Variants in BTAF1 observed in about 807,000 individuals in gnomAD.
The protein encoded by BTAF1 is B-TFIID TATA-box binding protein associated factor 1, also known as TATA-binding protein-associated factor 172.
BTAF1 carries 38 observed loss-of-function variants against 227.1 expected under a neutral mutation model. The ratio of observed to expected loss-of-function variants is 0.17; its 90% CI spans 0.13 to 0.22. BTAF1 has a LOEUF of 0.22. Ranked by LOEUF, BTAF1 falls within the 10% of genes least tolerant of loss-of-function variation. The pLI is 1.00. For synonymous variants in BTAF1, 742 were observed against 751.9 expected (o/e 0.99, Z 0.21); for missense variants, 1,598 against 2,204.0 (o/e 0.73, Z 5.51).
At position 92,027,323 on chromosome 10, in the gene BTAF1, T is replaced by G. The variant is rs763329702; in HGVS notation, c.5406+23T>G. 6.3e-6 allele frequency: 10 copies of G among 1,578,142 alleles called. No homozygotes were observed. The South Asian group carries it at 1.2e-4, about 19-fold the overall frequency. On this transcript the variant is annotated intron_variant, in intron 37 of 37. Transcript: ENST00000265990. ...AAGGTAAAGAACTTACACAATTTGT[T>G]GTATCTTTGAGTCACAGGCTTCCTG...
chr10:91,990,525 C>T (rs1428332441), intron 20 of BTAF1, among the ~76,000 whole-genome samples: 1 of 152,130 alleles, frequency 6.6e-6, no homozygotes, highest in Non-Finnish European at 1.5e-5. Context: ...CCAGGCACGG[C>T]GGCTCACGCC....
intron 14 of BTAF1, among the ~76,000 whole-genome samples, chr10:91,978,606 T>C (rs1255239087): frequency 6.6e-6 from 1 of 152,126 alleles, no homozygotes; most frequent in Non-Finnish European, 1.5e-5. Flanking sequence ...GCAATTTCAG[T>C]TAAAATTTCC....
Position 92,027,295 on chromosome 10 carries a change from G to A in BTAF1, c.5401G>A (p.Asp1801Asn), listed in dbSNP as rs549208029. 22 of 1,602,046 alleles carry A rather than the reference G, an allele frequency of 1.4e-5. No homozygotes were observed. The highest frequency in any genetic ancestry group is 8.8e-5 in the Admixed American group (5 of 56,698). The change falls in exon 37 of 38, where the codon GAT becomes AAT. Residue 1801 changes from aspartate to asparagine, a missense_variant. Physicochemically the swap from Asp to Asn is conservative, Grantham distance 23. Around this residue, in one of 10 missense-constraint regions of BTAF1, gnomAD observed 79 missense variants for 97.9 expected, o/e 0.81. Transcript: ENST00000265990. ...TCAGCTTCTTGATCTGTTTACTCTT[G>A]ATAAGGTAAAGAACTTACACAATTT... ...TDQLLDLFTL[D>N]KDGKAEKADT...
chr10:91,966,233 C>G (rs540742324), intron 13 of BTAF1, among the ~76,000 whole-genome samples: 1 of 152,220 alleles, frequency 6.6e-6, no homozygotes, highest in African/African-American at 2.4e-5. Flanking sequence ...TGTATCTACC[C>G]GTTGGGGTTA....
rs1846315400 is a variant in BTAF1 at position 91,959,231 on chromosome 10, A to T, written c.990+77A>T. 1.2e-5 allele frequency: 20 copies of T among 1,602,874 alleles called. No homozygotes were observed. In the Middle Eastern group the frequency reaches 6.7e-4, roughly 54 times the overall value. ...TTTCCAATGTAGGGAAGTAACGAGT[A>T]TGTGCCGTGAAGTAGGAATGAGAGG... On this transcript the variant is annotated intron_variant, in intron 9 of 37. Transcript: ENST00000265990.
At chr10:91,960,897 G>C (rs777500863) in intron 11 of BTAF1, among the ~76,000 whole-genome samples, 1 of 152,108 alleles carries the variant, frequency 6.6e-6, no homozygotes, top group Non-Finnish European at 1.5e-5. Flanking sequence ...TAGGACTTCA[G>C]TTCTTAGATT....
At chr10:91,944,557 A>G (rs1281679862) in intron 4 of BTAF1, among the ~76,000 whole-genome samples, 2 of 152,208 alleles carry the variant, frequency 1.3e-5, no homozygotes, top group African/African-American at 4.8e-5. Context: ...AAGCAGCTTT[A>G]TTGAGATATA....
At chr10:92,025,443 T>TAA (rs1206825069) in intron 35 of BTAF1, among the ~76,000 whole-genome samples, 2 of 147,898 alleles carry the variant, frequency 1.4e-5, no homozygotes, top group Non-Finnish European at 3.0e-5. Context: ...CTTTTTTTTT[T>TAA]AAAAAAAAAA....
At chr10:91,977,107 G>A (rs1296783231) in intron 14 of BTAF1, among the ~76,000 whole-genome samples, 2 of 152,186 alleles carry the variant, frequency 1.3e-5, no homozygotes, top group Non-Finnish European at 2.9e-5. Context: ...GGAGAGAGCA[G>A]AATGGCACTA....
intron 30 of BTAF1, among the ~76,000 whole-genome samples, chr10:92,012,770 CAAAAA>C (rs202198347): frequency 3.2e-5 from 3 of 92,622 alleles, no homozygotes; most frequent in Non-Finnish European, 3.9e-5. Context: ...GACTCTGTCT[CAAAAA>C]AAAAAAAAAA....
At chr10:91,937,064 G>A (rs1259928029) in intron 2 of BTAF1, among the ~76,000 whole-genome samples, 1 of 149,798 alleles carries the variant, frequency 6.7e-6, no homozygotes, top group African/African-American at 2.5e-5. Context: ...GCGCGATCTC[G>A]GCTTACTGCA....
At chr10:92,015,244 T>G (rs1850630766) in intron 32 of BTAF1, among the ~76,000 whole-genome samples, 1 of 152,264 alleles carries the variant, frequency 6.6e-6, no homozygotes, top group Admixed American at 6.5e-5. Flanking sequence ...CTGTTCCTTG[T>G]CTTAGTAAGA....
chr10:92,016,569 C>G, intron 33 of BTAF1, 104 bp downstream of exon 33: 2 of 983,818 alleles, frequency 2.0e-6, no homozygotes, highest in Non-Finnish European at 2.8e-6. Context: ...ACCTCTGCCT[C>G]CTGGGTTCAA....
intron 5 of BTAF1, among the ~76,000 whole-genome samples, chr10:91,952,393 C>G (rs922130330): frequency 1.3e-5 from 2 of 152,072 alleles, no homozygotes; most frequent in Non-Finnish European, 1.5e-5. Flanking sequence ...GCCACAGACT[C>G]TTTTGAAGCT....
chr10:91,992,395 C>T, intron 21 of BTAF1, 86 bp downstream of exon 21: 1 of 1,276,928 alleles, frequency 7.8e-7, no homozygotes, highest in Non-Finnish European at 1.0e-6. Flanking sequence ...TATTAGCTTC[C>T]AGAGTTGTTT....
intron 25 of BTAF1, 77 bp from the exon 26 acceptor site, chr10:92,008,046 T>G (rs925747788): frequency 5.4e-6 from 7 of 1,287,676 alleles, no homozygotes; most frequent in East Asian, 2.5e-5. Flanking sequence ...TTCTGTGTGT[T>G]TGTTTTGTGT....
At chr10:92,001,991 C>T (rs868199687) in intron 25 of BTAF1, among the ~76,000 whole-genome samples, 24 of 101,360 alleles carry the variant, frequency 2.4e-4, no homozygotes, top group African/African-American at 5.8e-4. Flanking sequence ...TATATACACA[C>T]ACACACACAC....
chr10:91,993,678 A>T lies in BTAF1; in HGVS notation c.3046-16A>T, dbSNP rs959695677. ...TTTTTCTGAAATTCTGTTTTTATCTAACATTTAATTTTAAGGCCCAGAAGC... is the reference window on the plus strand; with the variant it reads ...TTTTTCTGAAATTCTGTTTTTATCTTACATTTAATTTTAAGGCCCAGAAGC... On this transcript the variant is annotated splice_polypyrimidine_tract_variant and intron_variant, in intron 21 of 37. Coordinates refer to ENST00000265990, the MANE Select transcript of BTAF1 (RefSeq NM_003972.3). 2.1e-6 allele frequency: 3 copies of T among 1,437,852 alleles called. No individual in the cohort carries two copies. Among genetic ancestry groups the T allele is most frequent in the Non-Finnish European group, 2.8e-6 (3 of 1,084,548 alleles). 89.1% of individuals were successfully genotyped at this position (1,437,852 alleles called of 1,614,324 possible). A position where few individuals can be genotyped will look rare whatever the true frequency, so the allele number is the denominator to read the frequency against.
intron 14 of BTAF1, among the ~76,000 whole-genome samples, chr10:91,973,485 A>G (rs1847454593): frequency 6.6e-6 from 1 of 152,210 alleles, no homozygotes; most frequent in Non-Finnish European, 1.5e-5. Context: ...ATGATATTTA[A>G]TTGTGATAAT....
Sources: allele counts gnomAD v4.1 joint callset (sites outside exome capture counted in the v4.1 genomes callset), GRCh38; gene constraint gnomAD v4.1.1; regional missense constraint gnomAD v4.1.1; transcripts MANE v1.5; gene names NCBI Gene and HGNC (gene_info 2026-07-23, HGNC 2026-07-21).